EPB41L4A: variants seen among roughly 807,000 people sequenced by gnomAD.
EPB41L4A encodes band 4.1-like protein 4A.
EPB41L4A carries 100 observed loss-of-function variants against 108.6 expected under a neutral mutation model. The observed-to-expected ratio is 0.92, with a 90% CI of 0.78 to 1.09. The LOEUF (loss-of-function observed/expected upper bound fraction) is 1.09, where lower values mean the gene tolerates loss of function less well. EPB41L4A is among the 50% of genes least tolerant of loss of function. The pLI, the probability that EPB41L4A is intolerant of heterozygous loss-of-function variation, is 0.00. For missense variants in EPB41L4A, 1,030 were observed against 842.7 expected (o/e 1.22, Z -2.75); for synonymous variants, 319 against 289.0 (o/e 1.10, Z -1.05).
intron 1 of EPB41L4A, among the ~76,000 whole-genome samples, chr5:112,396,549 T>C (rs1761363416): frequency 6.6e-6 from 1 of 152,226 alleles, no homozygotes; most frequent in East Asian, 1.9e-4. Context: ...GCTGAGTGGT[T>C]CTGGCCCATG....
At chr5:112,399,749 C>T (rs1459915125) in intron 1 of EPB41L4A, among the ~76,000 whole-genome samples, 2 of 152,162 alleles carry the variant, frequency 1.3e-5, no homozygotes, top group African/African-American at 4.8e-5. Flanking sequence ...GCTTCAGGCC[C>T]TTCACCTACC....
chr5:112,250,961 T>C (rs769176125), intron 9 of EPB41L4A, among the ~76,000 whole-genome samples: 1 of 152,110 alleles, frequency 6.6e-6, no homozygotes, highest in Non-Finnish European at 1.5e-5. Context: ...GAAATGTAGG[T>C]TAAGTGTTGT....
At chr5:112,198,635 A>G (rs974227264) in intron 15 of EPB41L4A, among the ~76,000 whole-genome samples, 3 of 152,042 alleles carry the variant, frequency 2.0e-5, no homozygotes, top group African/African-American at 7.2e-5. Flanking sequence ...AATGTTTGAT[A>G]TCTAGGTTTG....
intron 13 of EPB41L4A, among the ~76,000 whole-genome samples, chr5:112,145,634 C>T (rs1759223562): frequency 6.6e-6 from 1 of 152,146 alleles, no homozygotes; most frequent in Non-Finnish European, 1.5e-5. Flanking sequence ...CTCTTTAAAA[C>T]AATTCTTGCT....
chr5:112,402,510 TG>T (rs1454674445), intron 1 of EPB41L4A, among the ~76,000 whole-genome samples: 1 of 151,892 alleles, frequency 6.6e-6, no homozygotes, highest in East Asian at 1.9e-4. Context: ...AGCACGGGAG[TG>T]CTTGCTTCAG....
rs539758536 is a variant in EPB41L4A at position 112,203,149 on chromosome 5, G to A, written c.1376+1226C>T. Among the ~76,000 whole-genome samples the A allele has an allele frequency of 1.3e-3, 193 of 152,108 alleles. 1 individual carries two copies. The highest frequency in any genetic ancestry group is 4.4e-3 in the African/African-American group (182 of 41,494). ...TGGGAGGCTGAGGCAGAGGGATCAC[G>A]AGGTCAGGAGTTCGAGACCAACGTG... On this transcript the variant is annotated intron_variant, in intron 15 of 22. Coordinates refer to ENST00000261486, the MANE Select transcript of EPB41L4A (RefSeq NM_022140.5).
intron 1 of EPB41L4A, among the ~76,000 whole-genome samples, chr5:112,375,502 G>T (rs1006751721): frequency 6.6e-6 from 1 of 151,524 alleles, no homozygotes; most frequent in African/African-American, 2.4e-5. Context: ...ATGAGAAAAG[G>T]CAACAGATTC....
At chr5:112,383,676 A>T (rs775757733) in intron 1 of EPB41L4A, among the ~76,000 whole-genome samples, 1 of 152,234 alleles carries the variant, frequency 6.6e-6, no homozygotes, top group Non-Finnish European at 1.5e-5. Context: ...AAAGAATAAA[A>T]GCTTTTATAA....
intron 1 of EPB41L4A, among the ~76,000 whole-genome samples, chr5:112,356,405 G>C (rs919492117): frequency 6.6e-6 from 1 of 152,210 alleles, no homozygotes; most frequent in African/African-American, 2.4e-5. Context: ...AGATTGGAAA[G>C]TGACTGGATT....
rs368770993 is a variant in EPB41L4A at position 112,222,208 on chromosome 5, G to C, written c.1088-12226C>G. On this transcript the variant is annotated intron_variant, in intron 12 of 22. Transcript: ENST00000261486. Reference sequence around the variant, plus strand: ...GAGTATTTGTTGAAAACAAGTTAGAGCTACTGAAGAAATCACACATGGGGA... The same window carrying C: ...GAGTATTTGTTGAAAACAAGTTAGACCTACTGAAGAAATCACACATGGGGA... Among the ~76,000 whole-genome samples the C allele has an allele frequency of 5.3e-5, 8 of 152,334 alleles. No homozygotes were observed. The East Asian group carries it at 1.3e-3, about 26-fold the overall frequency.
At position 112,356,089 on chromosome 5, in the gene EPB41L4A, A is replaced by C. The variant is rs150707203; in HGVS notation, c.100-48599T>G. On this transcript the variant is annotated intron_variant, in intron 1 of 22. Coordinates refer to ENST00000261486, the MANE Select transcript of EPB41L4A (RefSeq NM_022140.5). ...AGAGATAACTTATGTTAAATTTTGGAAGGGGGGTAAGGTGGGGATTGTATA... is the reference window on the plus strand; with the variant it reads ...AGAGATAACTTATGTTAAATTTTGGCAGGGGGGTAAGGTGGGGATTGTATA... 2.1e-3 allele frequency among the ~76,000 whole-genome samples: 321 copies of C among 152,208 alleles called. 1 individual carries two copies. Among genetic ancestry groups the C allele is most frequent in the African/African-American group, 7.4e-3 (309 of 41,524 alleles).
At chr5:112,336,293 G>A (rs929675524) in intron 1 of EPB41L4A, among the ~76,000 whole-genome samples, 1 of 152,198 alleles carries the variant, frequency 6.6e-6, no homozygotes, top group Non-Finnish European at 1.5e-5. Flanking sequence ...GTTTGAGAAA[G>A]TGCAGGTCAA....
chr5:112,299,188 T>G (rs1754194795), intron 2 of EPB41L4A, among the ~76,000 whole-genome samples: 1 of 152,174 alleles, frequency 6.6e-6, no homozygotes, highest in Non-Finnish European at 1.5e-5. Context: ...TTCTGTTGGG[T>G]TTGGTTTGGT....
At chr5:112,147,457 T>C (rs1179440844) in intron 12 of EPB41L4A, among the ~76,000 whole-genome samples, 1 of 151,722 alleles carries the variant, frequency 6.6e-6, no homozygotes, top group East Asian at 1.9e-4. Context: ...CTGGCCAACA[T>C]AGTGAAACCC....
rs184600599 is a variant in EPB41L4A at position 112,261,317 on chromosome 5, T to C, written c.642+1177A>G. Among the ~76,000 whole-genome samples the C allele has an allele frequency of 3.5e-3, 530 of 152,288 alleles. 3 individuals are homozygous for C. The highest frequency in any genetic ancestry group is 0.012 in the African/African-American group (513 of 41,560). ...AGGAAATGCTAATGAGCAAAAGACATATACAAAATGAATGCATGAGTGTTA... is the reference window on the plus strand; with the variant it reads ...AGGAAATGCTAATGAGCAAAAGACACATACAAAATGAATGCATGAGTGTTA... On this transcript the variant is annotated intron_variant, in intron 7 of 22. Coordinates refer to ENST00000261486, the MANE Select transcript of EPB41L4A (RefSeq NM_022140.5).
intron 18 of EPB41L4A, among the ~76,000 whole-genome samples, 171 bp downstream of exon 18, chr5:112,183,845 T>C (rs934529332): frequency 6.6e-6 from 1 of 152,220 alleles, no homozygotes; most frequent in African/African-American, 2.4e-5. Flanking sequence ...GTGCTTCAAC[T>C]TCTATGGCTT....
intron 2 of EPB41L4A, among the ~76,000 whole-genome samples, chr5:112,288,321 A>G (rs1753417031): frequency 1.3e-5 from 2 of 152,138 alleles, no homozygotes; most frequent in South Asian, 4.2e-4. Context: ...ATCCACAAAA[A>G]CTTTTAGAAG....
At chr5:112,161,845 C>G, downstream of EPB41L4A, 3 of 291,360 alleles carry the variant, frequency 1.0e-5, no homozygotes, top group South Asian at 9.0e-5. Flanking sequence ...GGTTCCTTCT[C>G]TAGTGAGTTT....
At chr5:112,348,473 TA>T (rs990653695) in intron 1 of EPB41L4A, among the ~76,000 whole-genome samples, 14 of 152,316 alleles carry the variant, frequency 9.2e-5, no homozygotes, top group African/African-American at 3.4e-4. Flanking sequence ...AGTTCGATTT[TA>T]AAACACAGTA....
Sources: gnomAD v4.1 joint callset for allele counts (sites outside exome capture counted in the v4.1 genomes callset) on GRCh38, gnomAD v4.1.1 for gene constraint, MANE v1.5 for transcripts, NCBI Gene and HGNC (gene_info 2026-07-23, HGNC 2026-07-21) for gene names.